ANKS1A: variants seen among roughly 807,000 people sequenced by gnomAD.
ANKS1A encodes ankyrin repeat and SAM domain-containing protein 1A.
In ANKS1A, 55 loss-of-function variants were observed where a neutral mutation model predicts 120.3. The ratio of observed to expected loss-of-function variants is 0.46; its 90% CI spans 0.37 to 0.57. The LOEUF is 0.57. Among genes scored for constraint, ANKS1A ranks in the 20% least tolerant of loss-of-function variants. The pLI is 0.00. For synonymous variants in ANKS1A, 590 were observed against 604.7 expected (o/e 0.98, Z 0.36); for missense variants, 1,123 against 1,480.3 (o/e 0.76, Z 3.96).
At position 35,060,967 on chromosome 6, in the gene ANKS1A, G is replaced by A. The variant is rs1268217926; in HGVS notation, c.2184+714G>A. 6.6e-6 allele frequency among the ~76,000 whole-genome samples: 1 copy of A among 152,206 alleles called. No individual in the cohort carries two copies. Among genetic ancestry groups the A allele is most frequent in the African/African-American group, 2.4e-5 (1 of 41,446 alleles). ...TCCCTCTCTTGGAAGCCCTTCTAGA[G>A]GCATCTGCATGCGCCGGGCCTGCTT... is the stretch of plus-strand genomic sequence containing the variant. On this transcript the variant is annotated intron_variant, in intron 13 of 23. Coordinates refer to ENST00000360359, the MANE Select transcript of ANKS1A (RefSeq NM_015245.3). The surrounding 1 kb of genome is among the most constrained non-coding windows in gnomAD (Gnocchi z 4.5).
intron 1 of ANKS1A, among the ~76,000 whole-genome samples, chr6:34,949,519 G>T (rs559562784): frequency 9.8e-5 from 15 of 152,302 alleles, no homozygotes; most frequent in African/African-American, 3.6e-4. Flanking sequence ...AGAGACTTGA[G>T]GCAGTCAAGC....
chr6:34,995,287 A>G (rs747226766), intron 10 of ANKS1A, among the ~76,000 whole-genome samples: 1 of 152,154 alleles, frequency 6.6e-6, no homozygotes, highest in Non-Finnish European at 1.5e-5. Flanking sequence ...GCATATGCGT[A>G]TGACATTGTA....
downstream of ANKS1A, among the ~76,000 whole-genome samples, chr6:35,095,371 G>A (rs1329940505): frequency 6.6e-6 from 1 of 151,022 alleles, no homozygotes; most frequent in African/African-American, 2.4e-5. Context: ...CCAAGAGTTC[G>A]AGACCAGCCT....
chr6:35,092,218 TC>T (rs909178626), downstream of ANKS1A, among the ~76,000 whole-genome samples: 1 of 152,204 alleles, frequency 6.6e-6, no homozygotes, highest in African/African-American at 2.4e-5. Context: ...GAGCCCCTGT[TC>T]CTAGGCCTGT....
intron 10 of ANKS1A, among the ~76,000 whole-genome samples, chr6:34,995,677 A>G (rs1445471836): frequency 1.3e-5 from 2 of 152,162 alleles, no homozygotes; most frequent in East Asian, 3.8e-4. Context: ...TAGCCTTTTG[A>G]GCCTGGCCCC....
In ANKS1A at chr6:34,964,851, G is replaced by A. The variant is rs911451475; in HGVS notation, c.198-2388G>A. Among the ~76,000 whole-genome samples, 7 of 152,238 alleles carry A rather than the reference G, an allele frequency of 4.6e-5. No individual in the cohort carries two copies. In the East Asian group the frequency reaches 1.3e-3, roughly 29 times the overall value. Reference sequence around the variant, plus strand: ...TTTACCAGTTTAAACTCATACCAGTGGTGTTTAAGAGTGCTTGTTTTCCTA... The same window carrying A: ...TTTACCAGTTTAAACTCATACCAGTAGTGTTTAAGAGTGCTTGTTTTCCTA... On this transcript the variant is annotated intron_variant, in intron 1 of 23. Coordinates refer to ENST00000360359, the MANE Select transcript of ANKS1A (RefSeq NM_015245.3).
At chr6:34,933,932 GA>G (rs1769122050) in intron 1 of ANKS1A, among the ~76,000 whole-genome samples, 1 of 152,192 alleles carries the variant, frequency 6.6e-6, no homozygotes, top group African/African-American at 2.4e-5. Flanking sequence ...CTGCTGTTCA[GA>G]AATTGTGGAC....
chr6:34,896,487 T>C (rs1767091553), intron 1 of ANKS1A, among the ~76,000 whole-genome samples: 2 of 152,150 alleles, frequency 1.3e-5, no homozygotes, highest in South Asian at 4.1e-4. Context: ...AGAGTGTGGT[T>C]CCCATGTTAA....
chr6:35,017,356 T>C, intron 10 of ANKS1A, 117 bp from the exon 11 acceptor site: 1 of 1,075,402 alleles, frequency 9.3e-7, no homozygotes, highest in Non-Finnish European at 1.3e-6. Flanking sequence ...CCTATCCAGT[T>C]TCTCTCTCTG....
chr6:34,908,994 T>G (rs1767774859), intron 1 of ANKS1A, among the ~76,000 whole-genome samples: 1 of 152,190 alleles, frequency 6.6e-6, no homozygotes, highest in Non-Finnish European at 1.5e-5. Flanking sequence ...TACAGACCAA[T>G]GTATTCTTAC....
Position 34,889,676 on chromosome 6 carries a change from C to CG in ANKS1A, c.197+82dup. 1 of 1,207,124 alleles carries CG rather than the reference C, an allele frequency of 8.3e-7. No individual in the cohort carries two copies. Among genetic ancestry groups the CG allele is most frequent in the East Asian group, 3.7e-5 (1 of 26,814 alleles). The allele number at this position is 1,207,124 out of a possible 1,614,324, so 74.8% of individuals were successfully genotyped here. A position where few individuals can be genotyped will look rare whatever the true frequency, so the allele number is the denominator to read the frequency against. On this transcript the variant is annotated intron_variant, in intron 1 of 23. Coordinates refer to ENST00000360359, the MANE Select transcript of ANKS1A (RefSeq NM_015245.3). The surrounding 1 kb of genome is among the most constrained non-coding windows in gnomAD (Gnocchi z 5.5). The stretch of plus-strand genomic sequence containing the variant: ...CCGTCTCTTGGGTCCCCAGAGAGAT[C>CG]GGGGGTCCTGAGACTCGGGCGGGGT...
intron 1 of ANKS1A, among the ~76,000 whole-genome samples, chr6:34,924,251 A>G (rs1234937820): frequency 2.0e-5 from 3 of 152,042 alleles, no homozygotes; most frequent in Admixed American, 2.0e-4. Flanking sequence ...TCTTTCAACT[A>G]TCTTCAAGTT....
intron 1 of ANKS1A, among the ~76,000 whole-genome samples, chr6:34,929,811 CTCTCTCTTTCTCTT>C (rs1237726668): frequency 7.3e-6 from 1 of 136,298 alleles, no homozygotes; most frequent in Admixed American, 7.7e-5. Flanking sequence ...CTCCTTCTCT[CTCTCTCTTTCTCTT>C]TCTTTCTTTC....
In ANKS1A at chr6:34,895,780, CTTTTTTTTTTTT is replaced by C. The variant is rs995285475; in HGVS notation, c.197+6195_197+6206del. Among the ~76,000 whole-genome samples, 14 of 90,386 alleles carry C rather than the reference CTTTTTTTTTTTT, an allele frequency of 1.5e-4. No homozygotes were observed. In the East Asian group the frequency reaches 2.6e-3, roughly 17 times the overall value. The allele number at this position is 90,386 out of a possible 152,430, so 59.3% of individuals were successfully genotyped here. A position where few individuals can be genotyped will look rare whatever the true frequency, so the allele number is the denominator to read the frequency against. ...AAAATAGTTTTTCAAGAATGTCTTT[CTTTTTTTTTTTT>C]TTTTTTTTTTTTTCTGAGACAGTGT... On this transcript the variant is annotated intron_variant, in intron 1 of 23. Coordinates refer to ENST00000360359, the MANE Select transcript of ANKS1A (RefSeq NM_015245.3).
At chr6:35,025,551 TC>T (rs1011419890) in intron 11 of ANKS1A, among the ~76,000 whole-genome samples, 5 of 152,080 alleles carry the variant, frequency 3.3e-5, no homozygotes, top group Non-Finnish European at 5.9e-5. Flanking sequence ...CCACTTCACT[TC>T]CCACCGATGC....
chr6:34,901,677 A>C (rs1767358163), intron 1 of ANKS1A, among the ~76,000 whole-genome samples: 1 of 152,102 alleles, frequency 6.6e-6, no homozygotes, highest in South Asian at 2.1e-4. Flanking sequence ...TGCCCGGTTA[A>C]TTTTTGTATT....
In ANKS1A at chr6:35,082,387, T is replaced by C. The variant is rs556130808; in HGVS notation, c.2710-304T>C. Among the ~76,000 whole-genome samples, 1 of 151,932 alleles carries C rather than the reference T, an allele frequency of 6.6e-6. No individual in the cohort carries two copies. Among genetic ancestry groups the C allele is most frequent in the South Asian group, 2.1e-4 (1 of 4,794 alleles). The stretch of plus-strand genomic sequence containing the variant: ...GGCAGCCTGTGCCCCCCACACAGAC[T>C]CTGCCATCTCCTCTCTGGTCATTTC... On this transcript the variant is annotated intron_variant, in intron 17 of 23. Coordinates refer to ENST00000360359, the MANE Select transcript of ANKS1A (RefSeq NM_015245.3). This position sits in a 1 kb window ranked among gnomAD's most constrained non-coding sequence, Gnocchi z 4.1.
intron 1 of ANKS1A, among the ~76,000 whole-genome samples, chr6:34,912,964 A>G (rs1767977374): frequency 6.6e-6 from 1 of 152,152 alleles, no homozygotes; most frequent in South Asian, 2.1e-4. Context: ...CTTAAGGTTG[A>G]GTTTCCTTTC....
At chr6:34,916,949 A>T (rs1170457389) in intron 1 of ANKS1A, among the ~76,000 whole-genome samples, 1 of 152,198 alleles carries the variant, frequency 6.6e-6, no homozygotes, top group African/African-American at 2.4e-5. Flanking sequence ...GGTTGTCCTC[A>T]TTAATGTTCT....
Sources: gnomAD v4.1 joint callset for allele counts (sites outside exome capture counted in the v4.1 genomes callset) on GRCh38, gnomAD v4.1.1 for gene constraint, Gnocchi (gnomAD v3.1) non-coding constraint, MANE v1.5 for transcripts, NCBI Gene and HGNC (gene_info 2026-07-23, HGNC 2026-07-21) for gene names.